Variants in PDSS2 observed in about 807,000 individuals in gnomAD.
PDSS2 encodes all trans-polyprenyl-diphosphate synthase PDSS2.
In PDSS2, 31 loss-of-function variants were observed where a neutral mutation model predicts 44.5. That is an observed-to-expected ratio of 0.70 (90% CI 0.52 to 0.94). The LOEUF (loss-of-function observed/expected upper bound fraction) is 0.94, where lower values mean the gene tolerates loss of function less well. Ranked by LOEUF, PDSS2 falls within the 40% of genes least tolerant of loss-of-function variation. PDSS2 has a pLI of 0.00. For synonymous variants in PDSS2, 157 were observed against 180.3 expected, an observed-to-expected ratio of 0.87 and a Z score of 1.03; for missense variants, 452 against 482.2, an observed-to-expected ratio of 0.94 and a Z score of 0.59.
chr6:107,383,108 C>T (rs1310031431), intron 1 of PDSS2, among the ~76,000 whole-genome samples: 1 of 151,382 alleles, frequency 6.6e-6, no homozygotes, highest in Non-Finnish European at 1.5e-5. Context: ...TCAAGACCAG[C>T]CTGGCCAACC....
At chr6:107,338,014 A>G (rs888139636) in intron 1 of PDSS2, among the ~76,000 whole-genome samples, 2 of 152,202 alleles carry the variant, frequency 1.3e-5, no homozygotes, top group African/African-American at 4.8e-5. Flanking sequence ...GGATAGACTA[A>G]CAGCTTGAGT....
intron 4 of PDSS2, among the ~76,000 whole-genome samples, chr6:107,227,555 G>A (rs977540165): frequency 1.3e-5 from 2 of 152,130 alleles, no homozygotes; most frequent in African/African-American, 4.8e-5. Context: ...CAAAGTGCTG[G>A]GATTACAGGC....
chr6:107,256,633 C>G (rs532827045), intron 3 of PDSS2, among the ~76,000 whole-genome samples: 11 of 152,298 alleles, frequency 7.2e-5, no homozygotes, highest in African/African-American at 2.4e-4. Context: ...TGAAGCTCTT[C>G]AAAATCCACA....
At chr6:107,408,862 C>T (rs913209286) in intron 1 of PDSS2, among the ~76,000 whole-genome samples, 1 of 152,152 alleles carries the variant, frequency 6.6e-6, no homozygotes, top group Non-Finnish European at 1.5e-5. Context: ...GCTCCATGAA[C>T]ACTCCAAGCT....
intron 1 of PDSS2, among the ~76,000 whole-genome samples, chr6:107,443,931 C>T (rs997975189): frequency 6.6e-6 from 1 of 152,180 alleles, no homozygotes; most frequent in Non-Finnish European, 1.5e-5. Context: ...TAATGATAAT[C>T]GCTAATATTT....
At chr6:107,238,446 C>G (rs9486568) in intron 4 of PDSS2, among the ~76,000 whole-genome samples, 26,001 of 152,170 alleles carry the variant, frequency 0.17, 2,388 homozygotes, top group South Asian at 0.23. Context: ...AGAGACAGCC[C>G]CATAGGGTGA....
intron 6 of PDSS2, among the ~76,000 whole-genome samples, chr6:107,210,103 T>C (rs1209905604): frequency 6.6e-6 from 1 of 152,098 alleles, no homozygotes; most frequent in Non-Finnish European, 1.5e-5. Context: ...AGATGGGAAA[T>C]TGCAGTCAGT....
At chr6:107,288,948 C>T (rs527390204) in intron 2 of PDSS2, among the ~76,000 whole-genome samples, 13 of 150,114 alleles carry the variant, frequency 8.7e-5, no homozygotes, top group South Asian at 4.2e-4. Context: ...TTAGTAGAGA[C>T]GGGGTTTCAC....
At chr6:107,302,607 T>A (rs2115071250) in intron 2 of PDSS2, among the ~76,000 whole-genome samples, 1 of 152,232 alleles carries the variant, frequency 6.6e-6, no homozygotes, top group South Asian at 2.1e-4. Context: ...TGTATGTCTT[T>A]CCCTCTCTTG....
intron 7 of PDSS2, among the ~76,000 whole-genome samples, chr6:107,189,926 TA>T (rs201053158): frequency 1.3e-5 from 2 of 149,716 alleles, no homozygotes; most frequent in African/African-American, 4.9e-5. Context: ...AAGAAACAAA[TA>T]AAAAAAAATA....
intron 3 of PDSS2, chr6:107,264,573 T>C (rs1441211252): frequency 1.9e-6 from 2 of 1,042,858 alleles, no homozygotes; most frequent in African/African-American, 1.6e-5. Flanking sequence ...CTTATCATTA[T>C]ATATGTAAAG....
intron 1 of PDSS2, among the ~76,000 whole-genome samples, chr6:107,377,904 G>T (rs1388790462): frequency 6.6e-6 from 1 of 151,858 alleles, no homozygotes; most frequent in Non-Finnish European, 1.5e-5. Flanking sequence ...GGGTAAGGGG[G>T]AGGGATAGCA....
intron 2 of PDSS2, among the ~76,000 whole-genome samples, chr6:107,275,672 T>A (rs1775755974): frequency 6.6e-6 from 1 of 152,186 alleles, no homozygotes; most frequent in East Asian, 1.9e-4. Flanking sequence ...TAGCAACAGA[T>A]ATCTGATACA....
At chr6:107,382,951 G>A (rs966318878) in intron 1 of PDSS2, among the ~76,000 whole-genome samples, 5 of 151,968 alleles carry the variant, frequency 3.3e-5, no homozygotes, top group African/African-American at 1.2e-4. Flanking sequence ...GGACAACTGG[G>A]TAGCCACATG....
intron 1 of PDSS2, among the ~76,000 whole-genome samples, chr6:107,380,432 C>T (rs1444147214): frequency 2.0e-5 from 3 of 152,076 alleles, no homozygotes; most frequent in African/African-American, 4.8e-5. Flanking sequence ...TTGGTAGTTT[C>T]CTTTGAGGGC....
At chr6:107,155,309 C>T (rs1343416678) in intron 7 of PDSS2, among the ~76,000 whole-genome samples, 3 of 151,890 alleles carry the variant, frequency 2.0e-5, no homozygotes, top group Admixed American at 1.3e-4. Context: ...CCACACCCAT[C>T]TAATTTTTGT....
chr6:107,369,805 G>C (rs935986741), intron 1 of PDSS2, among the ~76,000 whole-genome samples: 8 of 151,592 alleles, frequency 5.3e-5, no homozygotes, highest in African/African-American at 1.9e-4. Context: ...AGGAGTTTGA[G>C]ACCAGCCTGG....
intron 2 of PDSS2, among the ~76,000 whole-genome samples, chr6:107,304,366 GC>G (rs1330945240): frequency 1.3e-5 from 2 of 152,308 alleles, no homozygotes; most frequent in Non-Finnish European, 2.9e-5. Context: ...TGTCATTTCT[GC>G]ATATTCCGCA....
chr6:107,383,525 C>A (rs990900506), intron 1 of PDSS2, among the ~76,000 whole-genome samples: 2 of 151,480 alleles, frequency 1.3e-5, no homozygotes, highest in Non-Finnish European at 2.9e-5. Flanking sequence ...GTGAAAAAAA[C>A]CACCCACAGA....
Sources: allele counts gnomAD v4.1 joint callset (sites outside exome capture counted in the v4.1 genomes callset), GRCh38; gene constraint gnomAD v4.1.1; transcripts MANE v1.5; gene names NCBI Gene and HGNC (gene_info 2026-07-23, HGNC 2026-07-21).